RAB27A: variants seen among roughly 807,000 people sequenced by gnomAD.
The protein encoded by RAB27A is ras-related protein Rab-27A.
A neutral mutation model predicts 20.8 loss-of-function variants in RAB27A; 17 were observed. That is an observed-to-expected ratio of 0.82 (90% CI 0.56 to 1.23). The LOEUF (loss-of-function observed/expected upper bound fraction) is 1.23, where lower values mean the gene tolerates loss of function less well. RAB27A is among the 50% of genes most tolerant of loss of function. The pLI is 0.00. For synonymous variants in RAB27A, 85 were observed against 92.8 expected (o/e 0.92, Z 0.48); for missense variants, 277 against 266.7 (o/e 1.04, Z -0.27).
At chr15:55,238,364 A>G (rs1392669654) in intron 2 of RAB27A, 1 of 152,170 alleles carries the variant, frequency 6.6e-6, no homozygotes, top group African/African-American at 2.4e-5. Flanking sequence ...AGTGACCAGT[A>G]GTATGGTATC....
chr15:55,301,647 T>TA (rs2054972644), intron 2 of RAB27A, among the ~76,000 whole-genome samples: 1 of 129,926 alleles, frequency 7.7e-6, no homozygotes, highest in South Asian at 2.3e-4. Context: ...CTAAAAATCT[T>TA]TTTTTTTTTT....
intron 2 of RAB27A, among the ~76,000 whole-genome samples, chr15:55,247,514 T>C (rs558902273): frequency 6.6e-6 from 1 of 152,104 alleles, no homozygotes; most frequent in South Asian, 2.1e-4. Flanking sequence ...GAAACATGCA[T>C]GGAAAGCTTT....
At chr15:55,244,497 G>A (rs1013974812) in intron 2 of RAB27A, among the ~76,000 whole-genome samples, 1 of 152,000 alleles carries the variant, frequency 6.6e-6, no homozygotes, top group African/African-American at 2.4e-5. Context: ...GTTGTTGTTG[G>A]GGGGAGATGA....
intron 2 of RAB27A, among the ~76,000 whole-genome samples, chr15:55,295,989 C>A (rs1353712595): frequency 6.6e-6 from 1 of 151,374 alleles, no homozygotes; most frequent in Non-Finnish European, 1.5e-5. Flanking sequence ...CTCCGCCTTC[C>A]GGTTTCAAGC....
chr15:55,286,912 CTTTTTTTTT>C (rs35313703), intron 1 of RAB27A, among the ~76,000 whole-genome samples: 1 of 57,138 alleles, frequency 1.8e-5, no homozygotes, highest in Non-Finnish European at 3.2e-5. Flanking sequence ...TAGATGTATT[CTTTTTTTTT>C]TTTTTTTTTT....
chr15:55,295,163 T>C (rs886108230), intron 2 of RAB27A, among the ~76,000 whole-genome samples: 2 of 151,386 alleles, frequency 1.3e-5, no homozygotes, highest in Non-Finnish European at 2.9e-5. Flanking sequence ...ACTCACTAGG[T>C]TGGAAAGAAA....
At chr15:55,281,741 G>A (rs2141121282) in intron 1 of RAB27A, among the ~76,000 whole-genome samples, 1 of 151,710 alleles carries the variant, frequency 6.6e-6, no homozygotes, top group South Asian at 2.1e-4. Context: ...AGGGGGAATG[G>A]AAGGGAGGAA....
intron 2 of RAB27A, among the ~76,000 whole-genome samples, chr15:55,248,350 T>A (rs1896765739): frequency 6.6e-6 from 1 of 152,190 alleles, no homozygotes; most frequent in African/African-American, 2.4e-5. Context: ...CATCTCCAGG[T>A]ACTATTGCCA....
At chr15:55,272,600 G>A (rs1201234343) in intron 1 of RAB27A, among the ~76,000 whole-genome samples, 2 of 152,162 alleles carry the variant, frequency 1.3e-5, no homozygotes, top group African/African-American at 2.4e-5. Flanking sequence ...CTTTTGTATT[G>A]AAAGCTTTCT....
At chr15:55,296,725 T>A (rs369531227) in intron 2 of RAB27A, among the ~76,000 whole-genome samples, 3 of 152,164 alleles carry the variant, frequency 2.0e-5, no homozygotes, top group South Asian at 4.1e-4. Flanking sequence ...GAGCCTCTGA[T>A]GACATGTGGG....
chr15:55,210,325 T>C lies in RAB27A; in HGVS notation c.468-4620A>G, dbSNP rs1381316734. ...TCCATACTTTTCTCCACAGTGCTTA[T>C]GCTAATTTACTTTCCCACCAACAAT... On this transcript the variant is annotated intron_variant, in intron 6 of 6. Coordinates refer to ENST00000336787, the MANE Select transcript of RAB27A (RefSeq NM_183235.3). Among the ~76,000 whole-genome samples, 4 of 151,352 alleles carry C rather than the reference T, an allele frequency of 2.6e-5. No individual in the cohort carries two copies. The East Asian group carries it at 5.8e-4, about 22-fold the overall frequency.
intron 5 of RAB27A, 26 bp downstream of exon 5, chr15:55,228,583 G>T (rs1416119667): frequency 1.3e-6 from 2 of 1,491,358 alleles, no homozygotes; most frequent in African/African-American, 1.4e-5. Context: ...CTGTGTAGCA[G>T]GACACTGGGG....
At chr15:55,259,903 G>C (rs1897213591) in intron 2 of RAB27A, 1 of 152,134 alleles carries the variant, frequency 6.6e-6, no homozygotes, top group African/African-American at 2.4e-5. Context: ...CTTCATACCT[G>C]TTACGACTGG....
chr15:55,205,825 A>G (rs941771303), intron 6 of RAB27A, 120 bp from the exon 7 acceptor site: 1 of 932,824 alleles, frequency 1.1e-6, no homozygotes, highest in African/African-American at 1.6e-5. Context: ...CAAACATTTT[A>G]CCACCCCAGA....
rs1235061654 is a variant in RAB27A, at chr15:55,284,507, G to A, written c.-143+5209C>T. Among the ~76,000 whole-genome samples, 6 of 152,234 alleles carry A rather than the reference G, an allele frequency of 3.9e-5. No individual in the cohort carries two copies. In the South Asian group the frequency reaches 1.0e-3, roughly 26 times the overall value. On this transcript the variant is annotated intron_variant, in intron 1 of 6. Transcript: ENST00000336787. The stretch of plus-strand genomic sequence containing the variant: ...AACCACATTGAATTACAGGCTTTCT[G>A]GCATAACAGCAGGGACAAGAACCAC...
At chr15:55,252,669 T>C (rs1566921583) in intron 2 of RAB27A, among the ~76,000 whole-genome samples, 2 of 151,852 alleles carry the variant, frequency 1.3e-5, no homozygotes, top group African/African-American at 4.8e-5. Flanking sequence ...TATTGATTGA[T>C]AGACAGACAG....
chr15:55,265,293 T>C (rs1267258193), intron 2 of RAB27A, among the ~76,000 whole-genome samples: 1 of 151,088 alleles, frequency 6.6e-6, no homozygotes, highest in African/African-American at 2.4e-5. Context: ...GCACAAGCCG[T>C]TGGGGAGATG....
At chr15:55,312,772 T>G (rs1323001629) in intron 2 of RAB27A, among the ~76,000 whole-genome samples, 1 of 152,220 alleles carries the variant, frequency 6.6e-6, no homozygotes, top group Non-Finnish European at 1.5e-5. Context: ...TCCTCAAATG[T>G]ATTAACATTA....
intron 3 of RAB27A, 91 bp from the exon 4 acceptor site, chr15:55,230,577 A>G: frequency 9.7e-7 from 1 of 1,025,944 alleles, no homozygotes; most frequent in Middle Eastern, 2.0e-4. Flanking sequence ...TCCCAAAGGC[A>G]TCTAAAATTC....
Sources: gnomAD v4.1 joint callset for allele counts (sites outside exome capture counted in the v4.1 genomes callset) on GRCh38, gnomAD v4.1.1 for gene constraint, MANE v1.5 for transcripts, NCBI Gene and HGNC (gene_info 2026-07-23, HGNC 2026-07-21) for gene names.